The following ZSWIM9 variants were observed in gnomAD, a reference collection of about 807,000 sequenced individuals.
ZSWIM9 encodes the protein uncharacterized protein ZSWIM9.
In ZSWIM9, 11 loss-of-function variants were observed where a neutral mutation model predicts 25.0. That is an observed-to-expected ratio of 0.44 (90% CI 0.28 to 0.73). The LOEUF is 0.73. Ranked by LOEUF, ZSWIM9 falls within the 30% of genes least tolerant of loss-of-function variation. ZSWIM9 has a pLI of 0.16. For synonymous variants in ZSWIM9, 562 were observed against 582.1 expected (o/e 0.97, Z 0.50); for missense variants, 1,070 against 1,296.5 (o/e 0.83, Z 2.68).
At position 48,196,784 on chromosome 19, in the gene ZSWIM9, T is replaced by G; in HGVS notation, c.2720T>G (p.Met907Arg). ...CTCACTGGGGCTGCCTTATTCCACA[T>G]GGACCTGCTCAGGGATTGCTGGGGG... is the stretch of plus-strand genomic sequence containing the variant. ...RLLTGAALFH[M>R]DLLRDCWGRA... The change falls in exon 4 of 4, where the codon ATG (methionine) becomes AGG (arginine). Residue 907 changes from methionine (M) to arginine (R), a missense_variant. Physicochemically the swap from Met to Arg is moderately conservative, Grantham distance 91 (BLOSUM62 -1). Around this residue, in one of 4 missense-constraint regions of ZSWIM9, gnomAD observed 583 missense variants for 624.7 expected, o/e 0.93. Coordinates refer to ENST00000614654, the MANE Select transcript of ZSWIM9 (RefSeq NM_199341.4). The G allele has an allele frequency of 8.1e-7, 1 of 1,235,030 alleles. No homozygotes were observed. Among genetic ancestry groups the G allele is most frequent in the Non-Finnish European group, 1.0e-6 (1 of 989,886 alleles). 76.5% of individuals were successfully genotyped at this position (1,235,030 alleles called of 1,614,324 possible).
At position 48,195,882 on chromosome 19, in the gene ZSWIM9, C is replaced by G. The variant is rs747298053; in HGVS notation, c.1818C>G (p.Thr606=). The stretch of plus-strand genomic sequence containing the variant: ...CCCAGCTGGAAGATCGCAGGAGTAC[C>G]ACCGACCTGAGGGGGACCCAGTTTG... The part of the protein sequence containing the change: ...RVAQLEDRRS[T]TDLRGTQFDY... Residue 606 remains threonine (T), a synonymous_variant, in exon 4 of 4, where the codon ACC becomes ACG. Transcript: ENST00000614654. The surrounding 1 kb of genome is among the most constrained non-coding windows in gnomAD (Gnocchi z 5.8). The G allele has an allele frequency of 1.9e-4, 271 of 1,406,086 alleles. No homozygotes were observed. Among genetic ancestry groups the G allele is most frequent in the Non-Finnish European group, 2.4e-4 (260 of 1,085,074 alleles). The allele number at this position is 1,406,086 out of a possible 1,614,324, so 87.1% of individuals were successfully genotyped here.
rs977503729 is a variant in ZSWIM9 at position 48,195,396 on chromosome 19, C to T, written c.1332C>T (p.Pro444=). 16 of 1,476,072 alleles carry T rather than the reference C, an allele frequency of 1.1e-5. No homozygotes were observed. Among genetic ancestry groups the T allele is most frequent in the African/African-American group, 4.3e-5 (3 of 69,456 alleles). The allele number at this position is 1,476,072 out of a possible 1,614,324, so 91.4% of individuals were successfully genotyped here. ...CCGACGCGGCCGGGGAGGCGGTGCC[C>T]GAGGGGCCCGATGGCGGGGGGCCTT... is the stretch of plus-strand genomic sequence containing the variant. ...QWADAAGEAV[P]EGPDGGGPWL... is the part of the protein sequence containing the mutation. Residue 444 remains proline (P), a synonymous_variant, in exon 4 of 4, where the codon CCC becomes CCT. Transcript: ENST00000614654. The surrounding 1 kb of genome is among the most constrained non-coding windows in gnomAD (Gnocchi z 5.8).
intron 2 of ZSWIM9, chr19:48,181,436 G>A (rs1476408362): frequency 6.6e-6 from 1 of 152,202 alleles, no homozygotes; most frequent in Non-Finnish European, 1.5e-5. Flanking sequence ...GGTTGTAATG[G>A]TGTGTTCATT....
At chr19:48,193,650 GT>G (rs2123441230) in intron 3 of ZSWIM9, among the ~76,000 whole-genome samples, 1 of 152,322 alleles carries the variant, frequency 6.6e-6, no homozygotes, top group African/African-American at 2.4e-5. Flanking sequence ...GAGATGGGGT[GT>G]CTGCTTAGTT....
In ZSWIM9 at chr19:48,195,999, G is replaced by T; in HGVS notation, c.1935G>T (p.Trp645Cys). ...CAGGGGGACTGAGAACTGCAGAATG[G>T]AAGGGGCCACAGTCAGAAGTAGAGA... ...ERAGGLRTAE[W>C]KGPQSEVEKG... Residue 645 changes from tryptophan to cysteine, a missense_variant, in exon 4 of 4, where the codon TGG becomes TGT. Trp to Cys is a radical substitution (Grantham distance 215, BLOSUM62 -2). Coordinates refer to ENST00000614654, the MANE Select transcript of ZSWIM9 (RefSeq NM_199341.4). This position sits in a 1 kb window ranked among gnomAD's most constrained non-coding sequence, Gnocchi z 5.8. 3 of 1,284,982 alleles carry T rather than the reference G, an allele frequency of 2.3e-6. No individual in the cohort carries two copies. The highest frequency in any genetic ancestry group is 2.9e-6 in the Non-Finnish European group (3 of 1,018,800). The allele number at this position is 1,284,982 out of a possible 1,614,324, so 79.6% of individuals were successfully genotyped here.
At chr19:48,187,419 ATATATTATAT>A (rs370504125) in intron 3 of ZSWIM9, among the ~76,000 whole-genome samples, 5 of 84,902 alleles carry the variant, frequency 5.9e-5, no homozygotes, top group Non-Finnish European at 1.1e-4. Context: ...TATTATAATT[ATATATTATAT>A]TATATTATAT....
chr19:48,197,477 T>G lies in ZSWIM9; in HGVS notation c.*650T>G. 1.7e-6 allele frequency: 1 copy of G among 576,210 alleles called. No homozygotes were observed. Among genetic ancestry groups the G allele is most frequent in the Non-Finnish European group, 3.1e-6 (1 of 323,394 alleles). The allele number at this position is 576,210 out of a possible 1,614,324, so 35.7% of individuals were successfully genotyped here. A position where few individuals can be genotyped will look rare whatever the true frequency, so the allele number is the denominator to read the frequency against. ...GCAAGGGGCGTGGTTTTGGTTTTTC[T>G]CCAAGACCTGGAGACATCGACCCCC... is the stretch of plus-strand genomic sequence containing the variant. On this transcript the variant is annotated 3_prime_UTR_variant, in exon 4 of 4. Transcript: ENST00000614654.
At chr19:48,191,154 T>A (rs2037090466) in intron 3 of ZSWIM9, among the ~76,000 whole-genome samples, 1 of 151,276 alleles carries the variant, frequency 6.6e-6, no homozygotes, top group African/African-American at 2.4e-5. Context: ...TGCCCAGAAG[T>A]AGGAAGCCCT....
Position 48,194,947 on chromosome 19 carries a change from G to T in ZSWIM9, c.883G>T (p.Gly295Trp). The change falls in exon 4 of 4, where the codon GGG becomes TGG. Residue 295 changes from glycine (G) to tryptophan (W), a missense_variant. Physicochemically the swap from Gly to Trp is radical, Grantham distance 184 (BLOSUM62 -2). Coordinates refer to ENST00000614654, the MANE Select transcript of ZSWIM9 (RefSeq NM_199341.4). This position sits in a 1 kb window ranked among gnomAD's most constrained non-coding sequence, Gnocchi z 6.0. ...GGGCCGCGTGCGCTGCCTCACCGCC[G>T]GGCCCGAGGTGGCGGCGCAGTTGCC... is the stretch of plus-strand genomic sequence containing the variant. ...VKGRVRCLTA[G>W]PEVAAQLPAV... 1 of 1,324,292 alleles carries T rather than the reference G, an allele frequency of 7.6e-7. No individual in the cohort carries two copies. The highest frequency in any genetic ancestry group is 9.6e-7 in the Non-Finnish European group (1 of 1,038,638). The allele number at this position is 1,324,292 out of a possible 1,614,324, so 82.0% of individuals were successfully genotyped here.
rs996876534 is a variant in ZSWIM9, at chr19:48,182,563, G to A, written c.384G>A (p.Pro128=). The change falls in exon 3 of 4, where the codon CCG becomes CCA. Residue 128 remains proline, a synonymous_variant. Transcript: ENST00000614654. The surrounding 1 kb of genome is among the most constrained non-coding windows in gnomAD (Gnocchi z 4.6). ...TGACCCACTCACACCCGGCCTGCCC[G>A]CTGGAGTTCGCCTACTACTTCCGCC... ...CQLTHSHPAC[P]LEFAYYFRPG... 1.2e-5 allele frequency: 19 copies of A among 1,535,770 alleles called. No homozygotes were observed. The highest frequency in any genetic ancestry group is 9.8e-5 in the Admixed American group (5 of 50,966).
intron 2 of ZSWIM9, among the ~76,000 whole-genome samples, chr19:48,179,004 A>G (rs1243340521): frequency 6.6e-6 from 1 of 152,188 alleles, no homozygotes; most frequent in Non-Finnish European, 1.5e-5. Context: ...CTTTGCAGAA[A>G]ATGTTTGACA....
chr19:48,175,680 A>G (rs2036885411), intron 2 of ZSWIM9, among the ~76,000 whole-genome samples: 1 of 152,044 alleles, frequency 6.6e-6, no homozygotes, highest in Non-Finnish European at 1.5e-5. Flanking sequence ...GCTGGGGCTG[A>G]GGGTGCAAGG....
At chr19:48,173,362 G>A (rs553987418) in intron 2 of ZSWIM9, among the ~76,000 whole-genome samples, 34 of 152,278 alleles carry the variant, frequency 2.2e-4, no homozygotes, top group African/African-American at 7.2e-4. Context: ...GCAGTAGTGC[G>A]ATCTTGGCTC....
At chr19:48,188,688 C>T (rs997114704) in intron 3 of ZSWIM9, among the ~76,000 whole-genome samples, 1 of 152,142 alleles carries the variant, frequency 6.6e-6, no homozygotes, top group Non-Finnish European at 1.5e-5. Context: ...TACGTGTATG[C>T]TTTGCCTTCT....
At chr19:48,180,634 C>G (rs1362792429) in intron 2 of ZSWIM9, 1 of 152,196 alleles carries the variant, frequency 6.6e-6, no homozygotes, top group Admixed American at 6.6e-5. Context: ...GGTCCTCTTG[C>G]CATGGAAGGC....
chr19:48,194,771 G>A lies in ZSWIM9; in HGVS notation c.707G>A (p.Gly236Glu). The A allele has an allele frequency of 6.5e-7, 1 of 1,532,802 alleles. No homozygotes were observed. The allele number at this position is 1,532,802 out of a possible 1,614,324, so 95.0% of individuals were successfully genotyped here. A position where few individuals can be genotyped will look rare whatever the true frequency, so the allele number is the denominator to read the frequency against. Residue 236 changes from glycine to glutamate, a missense_variant, in exon 4 of 4, where the codon GGG (glycine) becomes GAG (glutamate). Physicochemically the swap from Gly to Glu is moderately conservative, Grantham distance 98 (BLOSUM62 -2). This residue lies in a region of ZSWIM9 where 38 missense variants were observed against 89.7 expected (regional missense o/e 0.42). Transcript: ENST00000614654. The surrounding 1 kb of genome is among the most constrained non-coding windows in gnomAD (Gnocchi z 6.0). ...PRMLLVDRLPGLQGALDLLAV... is the reference protein window; with the variant it reads ...PRMLLVDRLPELQGALDLLAV... The stretch of plus-strand genomic sequence containing the variant: ...ATGCTGCTGGTGGACCGGCTGCCGG[G>A]GCTGCAGGGCGCGCTGGATCTGCTG...
chr19:48,171,727 G>T, intron 1 of ZSWIM9, 67 bp from the exon 2 acceptor site: 2 of 1,416,810 alleles, frequency 1.4e-6, no homozygotes, highest in Non-Finnish European at 1.9e-6. Flanking sequence ...GGCCAAGAAT[G>T]GAGTAGATGA....
Position 48,182,720 on chromosome 19 carries a change from G to A in ZSWIM9, c.541G>A (p.Ala181Thr), listed in dbSNP as rs2036964053. 1.3e-6 allele frequency: 2 copies of A among 1,534,838 alleles called. No individual in the cohort carries two copies. Among genetic ancestry groups the A allele is most frequent in the Non-Finnish European group, 1.7e-6 (2 of 1,146,042 alleles). ...CKGRDHGVLD[A>T]LHVLEGLFRT... ...GGGCCGCGACCACGGCGTCCTGGAC[G>A]CCCTGCACGTGCTCGAGGGCCTCTT... is the stretch of plus-strand genomic sequence containing the variant. Residue 181 changes from alanine to threonine, a missense_variant, in exon 3 of 4, where the codon GCC becomes ACC. By Grantham distance (58) the Ala-to-Thr change is moderately conservative (BLOSUM62 0). Around this residue, in one of 4 missense-constraint regions of ZSWIM9, gnomAD observed 265 missense variants for 339.0 expected, o/e 0.78. Coordinates refer to ENST00000614654, the MANE Select transcript of ZSWIM9 (RefSeq NM_199341.4). This position sits in a 1 kb window ranked among gnomAD's most constrained non-coding sequence, Gnocchi z 4.6.
intron 2 of ZSWIM9, among the ~76,000 whole-genome samples, chr19:48,178,854 G>A (rs916063404): frequency 6.6e-6 from 1 of 152,080 alleles, no homozygotes; most frequent in Non-Finnish European, 1.5e-5. Flanking sequence ...AATTACAGGC[G>A]TCAGCCACCA....
Sources: allele counts gnomAD v4.1 joint callset (sites outside exome capture counted in the v4.1 genomes callset), GRCh38; gene constraint gnomAD v4.1.1; regional missense constraint gnomAD v4.1.1; non-coding constraint Gnocchi (gnomAD v3.1); transcripts MANE v1.5; gene names NCBI Gene and HGNC (gene_info 2026-07-23, HGNC 2026-07-21).